Variants in COL5A1 observed in about 807,000 individuals in gnomAD.
COL5A1 encodes collagen type V alpha 1 chain.
A neutral mutation model predicts 263.7 loss-of-function variants in COL5A1; 16 were observed. That is an observed-to-expected ratio of 0.06 (90% CI 0.04 to 0.09). The LOEUF (loss-of-function observed/expected upper bound fraction) is 0.09. Ranked by LOEUF, COL5A1 falls within the 10% of genes least tolerant of loss-of-function variation. The pLI is 1.00. For synonymous variants in COL5A1, 1,012 were observed against 1,004.5 expected (o/e 1.01, Z -0.14); for missense variants, 2,036 against 2,540.5 (o/e 0.80, Z 4.27).
chr9:134,825,552 C>T lies in COL5A1; in HGVS notation c.4955-240C>T, dbSNP rs577165298. ...CCCAACCCTCCTGGCCACCAGAACA[C>T]GTACCCAGTTGCTTCATGCACCAGC... On this transcript the variant is annotated intron_variant, in intron 62 of 65. Coordinates refer to ENST00000371817, the MANE Select transcript of COL5A1 (RefSeq NM_000093.5). Among the ~76,000 whole-genome samples, 4 of 152,290 alleles carry T rather than the reference C, an allele frequency of 2.6e-5. No homozygotes were observed. In the South Asian group the frequency reaches 8.3e-4, roughly 32 times the overall value.
chr9:134,769,139 A>T (rs1029902299), intron 25 of COL5A1, among the ~76,000 whole-genome samples: 1 of 152,242 alleles, frequency 6.6e-6, no homozygotes, highest in Admixed American at 6.5e-5. Flanking sequence ...CACAAACGAG[A>T]TTAGCAGAAT....
chr9:134,809,077 C>A, intron 42 of COL5A1, 106 bp from the exon 43 acceptor site: 1 of 1,014,820 alleles, frequency 9.9e-7, no homozygotes, highest in Non-Finnish European at 1.5e-6. Context: ...TCACCCTCAC[C>A]AACTCCCACT....
intron 18 of COL5A1, among the ~76,000 whole-genome samples, chr9:134,761,560 G>A (rs1836445042): frequency 6.6e-6 from 1 of 152,226 alleles, no homozygotes. Context: ...CAGGCAGGCG[G>A]GGCTCCCTGA....
At position 134,761,806 on chromosome 9, in the gene COL5A1, G is replaced by T. The variant is rs11103506; in HGVS notation, c.1936-119G>T. The T allele has an allele frequency of 0.083, 84,203 of 1,009,262 alleles. 7,318 individuals are homozygous for T. The highest frequency in any genetic ancestry group is 0.29 in the African/African-American group (18,108 of 63,122). The allele number at this position is 1,009,262 out of a possible 1,614,324, so 62.5% of individuals were successfully genotyped here. A position where few individuals can be genotyped will look rare whatever the true frequency, so the allele number is the denominator to read the frequency against. The stretch of plus-strand genomic sequence containing the variant: ...TAAGGAAAATTCCCCCATTCTGGAA[G>T]GGTCTTTTGAGAGCTTGGGAATCTT... On this transcript the variant is annotated intron_variant, in intron 18 of 65. Coordinates refer to ENST00000371817, the MANE Select transcript of COL5A1 (RefSeq NM_000093.5).
At chr9:134,819,868 TTTGGTCTGTCTCA>T (rs1838923009) in intron 57 of COL5A1, among the ~76,000 whole-genome samples, 1 of 152,204 alleles carries the variant, frequency 6.6e-6, no homozygotes. Context: ...CCTTTATCAC[TTTGGTCTGTCTCA>T]GTGTCTGTGG....
rs766839110 is a variant in COL5A1 at position 134,772,796 on chromosome 9, C to T, written c.2293C>T (p.Pro765Ser). Reference sequence around the variant, plus strand: ...GCTTCTTCTTTTGTGACAGGGACACCCTGGCAAAGAAGGCCCTCCAGGAGA... The same window carrying T: ...GCTTCTTCTTTTGTGACAGGGACACTCTGGCAAAGAAGGCCCTCCAGGAGA... ...MPGADGPPGHPGKEGPPGEKG... is the reference protein window; with the variant it reads ...MPGADGPPGHSGKEGPPGEKG... The change falls in exon 26 of 66, where the codon CCT becomes TCT. Residue 765 changes from proline to serine, a missense_variant. Physicochemically the swap from Pro to Ser is moderately conservative, Grantham distance 74 (BLOSUM62 -1). This residue lies in a region of COL5A1 where 1,078 missense variants were observed against 1,521.4 expected (regional missense o/e 0.71). Transcript: ENST00000371817. The T allele has an allele frequency of 5.0e-6, 8 of 1,613,996 alleles. No homozygotes were observed. In the East Asian group the frequency reaches 1.8e-4, roughly 36 times the overall value.
chr9:134,652,739 A>G lies in COL5A1; in HGVS notation c.109+10443A>G. On this transcript the variant is annotated intron_variant, in intron 1 of 65. Transcript: ENST00000371817. This position sits in a 1 kb window ranked among gnomAD's most constrained non-coding sequence, Gnocchi z 4.4. ...GTCTTCTCATGGCTCATTGTCAGAC[A>G]GGAGGGAGGGCCTCTTCTTAGGCCG... is the stretch of plus-strand genomic sequence containing the variant. 1 of 470,862 alleles carries G rather than the reference A, an allele frequency of 2.1e-6. No individual in the cohort carries two copies. The highest frequency in any genetic ancestry group is 1.5e-5 in the South Asian group (1 of 64,564). 29.2% of individuals were successfully genotyped at this position (470,862 alleles called of 1,614,324 possible).
chr9:134,701,434 T>C, intron 4 of COL5A1, 101 bp downstream of exon 4: 1 of 1,192,170 alleles, frequency 8.4e-7, no homozygotes, highest in Non-Finnish European at 1.2e-6. Context: ...CGGGACCGGC[T>C]GGCGGTCCAC....
At chr9:134,654,117 TTAG>T in intron 1 of COL5A1, among the ~76,000 whole-genome samples, 1 of 113,392 alleles carries the variant, frequency 8.8e-6, no homozygotes, top group South Asian at 3.4e-4. Flanking sequence ...TGTGTAGGGC[TTAG>T]GGTGTGTAGT....
chr9:134,802,445 AG>A (rs891020981), intron 38 of COL5A1, among the ~76,000 whole-genome samples: 1 of 152,194 alleles, frequency 6.6e-6, no homozygotes, highest in Non-Finnish European at 1.5e-5. Context: ...CAGAACGGGG[AG>A]GGGTCACCTT....
At chr9:134,693,110 C>T (rs745335855) in intron 2 of COL5A1, among the ~76,000 whole-genome samples, 1 of 151,984 alleles carries the variant, frequency 6.6e-6, no homozygotes, top group Non-Finnish European at 1.5e-5. Flanking sequence ...GCTTGGCCTT[C>T]CAGCAGTTTC....
At chr9:134,774,385 C>G (rs1311036554) in intron 26 of COL5A1, among the ~76,000 whole-genome samples, 1 of 152,154 alleles carries the variant, frequency 6.6e-6, no homozygotes, top group Admixed American at 6.5e-5. Flanking sequence ...ATGCCCACCC[C>G]CATGAGCTCT....
intron 1 of COL5A1, among the ~76,000 whole-genome samples, chr9:134,666,924 A>G (rs888278682): frequency 2.0e-5 from 3 of 152,154 alleles, no homozygotes; most frequent in Admixed American, 1.3e-4. Context: ...TTGCAAAATA[A>G]CTCACATCTC....
At chr9:134,735,052 A>G (rs1185253658) in intron 9 of COL5A1, among the ~76,000 whole-genome samples, 1 of 151,994 alleles carries the variant, frequency 6.6e-6, no homozygotes, top group African/African-American at 2.4e-5. Flanking sequence ...CTTTACTAAA[A>G]CTACAAAAAA....
chr9:134,786,197 C>A, intron 31 of COL5A1, 149 bp downstream of exon 31: 1 of 753,002 alleles, frequency 1.3e-6, no homozygotes. Flanking sequence ...TGTCCTGGTG[C>A]AGGCGTGGGG....
At chr9:134,791,373 A>G (rs1179969929) in intron 32 of COL5A1, among the ~76,000 whole-genome samples, 1 of 152,200 alleles carries the variant, frequency 6.6e-6, no homozygotes, top group Non-Finnish European at 1.5e-5. Flanking sequence ...CATCTTTGCC[A>G]TCACAGCTCT....
intron 52 of COL5A1, among the ~76,000 whole-genome samples, chr9:134,816,514 A>C (rs545743740): frequency 6.6e-6 from 1 of 152,276 alleles, no homozygotes; most frequent in South Asian, 2.1e-4. Flanking sequence ...CCCTTGCCCC[A>C]CCTTGCACCC....
Position 134,664,349 on chromosome 9 carries a change from G to T in COL5A1, c.109+22053G>T, listed in dbSNP as rs116550298. ...GACGTAAGCCCCTGCAGTTATAAAA[G>T]AAAACAGTTTGACCCCATAAAAGTC... On this transcript the variant is annotated intron_variant, in intron 1 of 65. Coordinates refer to ENST00000371817, the MANE Select transcript of COL5A1 (RefSeq NM_000093.5). 9.1e-3 allele frequency among the ~76,000 whole-genome samples: 1,381 copies of T among 152,172 alleles called. 18 individuals are homozygous for T. Among genetic ancestry groups the T allele is most frequent in the African/African-American group, 0.031 (1,295 of 41,506 alleles).
At chr9:134,802,587 G>C (rs1838152920) in intron 38 of COL5A1, among the ~76,000 whole-genome samples, 1 of 152,218 alleles carries the variant, frequency 6.6e-6, no homozygotes, top group Non-Finnish European at 1.5e-5. Flanking sequence ...TCCTGTGGCT[G>C]AATCAGCCTC....
Sources: allele counts gnomAD v4.1 joint callset (sites outside exome capture counted in the v4.1 genomes callset), GRCh38; gene constraint gnomAD v4.1.1; regional missense constraint gnomAD v4.1.1; non-coding constraint Gnocchi (gnomAD v3.1); transcripts MANE v1.5; gene names NCBI Gene and HGNC (gene_info 2026-07-23, HGNC 2026-07-21).